Variants in TNIK observed in about 807,000 individuals in gnomAD.
TNIK encodes the protein TRAF2 and NCK interacting kinase.
TNIK carries 49 observed loss-of-function variants against 191.3 expected under a neutral mutation model. The ratio of observed to expected loss-of-function variants is 0.26; its 90% CI spans 0.20 to 0.32. TNIK has a LOEUF of 0.32. TNIK is among the 10% of genes least tolerant of loss of function. The probability of loss-of-function intolerance (pLI) is 1.00; values close to 1 mark genes in which losing one functional copy is unlikely to be tolerated. For missense variants in TNIK, 1,155 were observed against 1,702.3 expected (o/e 0.68, Z 5.66); for synonymous variants, 594 against 600.9 (o/e 0.99, Z 0.17).
At chr3:171,380,217 C>T (rs1357641236) in intron 1 of TNIK, among the ~76,000 whole-genome samples, 1 of 152,116 alleles carries the variant, frequency 6.6e-6, no homozygotes, top group Non-Finnish European at 1.5e-5. Flanking sequence ...ACATGGGATC[C>T]TTCCAGACCT....
chr3:171,156,328 G>A (rs1733170159), intron 12 of TNIK, among the ~76,000 whole-genome samples: 1 of 152,180 alleles, frequency 6.6e-6, no homozygotes, highest in African/African-American at 2.4e-5. Flanking sequence ...AAACCAGGGA[G>A]GCTGGACCTT....
intron 1 of TNIK, among the ~76,000 whole-genome samples, chr3:171,415,235 C>T (rs1362253640): frequency 6.6e-6 from 1 of 152,192 alleles, no homozygotes; most frequent in African/African-American, 2.4e-5. Flanking sequence ...TTAACAACCC[C>T]AGACGCACTC....
chr3:171,166,937 C>T (rs982387487), intron 10 of TNIK, among the ~76,000 whole-genome samples, 158 bp downstream of exon 10: 1 of 152,148 alleles, frequency 6.6e-6, no homozygotes, highest in South Asian at 2.1e-4. Flanking sequence ...AGTCTCACGC[C>T]ACTGATGCCC....
At chr3:171,180,829 T>C (rs568382641) in intron 7 of TNIK, among the ~76,000 whole-genome samples, 1 of 152,344 alleles carries the variant, frequency 6.6e-6, no homozygotes, top group South Asian at 2.1e-4. Flanking sequence ...ATTTTTGTTA[T>C]CAAAATGCAT....
chr3:171,175,339 G>A lies in TNIK; in HGVS notation c.695-9C>T. 6.2e-7 allele frequency: 1 copy of A among 1,604,668 alleles called. No individual in the cohort carries two copies. The highest frequency in any genetic ancestry group is 8.5e-7 in the Non-Finnish European group (1 of 1,176,170). On this transcript the variant is annotated splice_polypyrimidine_tract_variant and intron_variant, in intron 8 of 32. Transcript: ENST00000436636. The stretch of plus-strand genomic sequence containing the variant: ...GTGCATGTCACAGAGAGCTGCAAGA[G>A]ACCAAAACAAGGGCCAGCTACAGTT...
chr3:171,197,343 C>CAAT (rs1277969800), intron 4 of TNIK, among the ~76,000 whole-genome samples: 1 of 151,616 alleles, frequency 6.6e-6, no homozygotes, highest in African/African-American at 2.4e-5. Flanking sequence ...TTAGATTTAG[C>CAAT]AATGGCTTCT....
chr3:171,278,489 A>T (rs868583033), intron 2 of TNIK, among the ~76,000 whole-genome samples: 107 of 151,860 alleles, frequency 7.0e-4, no homozygotes, highest in African/African-American at 1.8e-3. Context: ...TAAAAAAGAT[A>T]AAAAAAATTT....
intron 2 of TNIK, among the ~76,000 whole-genome samples, chr3:171,358,607 C>A (rs917562351): frequency 6.6e-6 from 1 of 152,266 alleles, no homozygotes; most frequent in Non-Finnish European, 1.5e-5. Flanking sequence ...AGGATTCATA[C>A]AAAATGCTTG....
intron 3 of TNIK, among the ~76,000 whole-genome samples, chr3:171,216,949 C>T (rs1741525893): frequency 6.6e-6 from 1 of 152,078 alleles, no homozygotes; most frequent in Admixed American, 6.6e-5. Flanking sequence ...TTTGCCAGGA[C>T]ATTCTGCAGG....
intron 2 of TNIK, among the ~76,000 whole-genome samples, chr3:171,254,465 A>G (rs188368033): frequency 1.5e-3 from 232 of 152,378 alleles, no homozygotes; most frequent in African/African-American, 5.3e-3. Flanking sequence ...AGTCTCAAAT[A>G]TAAACCCAGA....
intron 2 of TNIK, among the ~76,000 whole-genome samples, chr3:171,358,284 G>T (rs868500405): frequency 6.6e-6 from 1 of 152,156 alleles, no homozygotes; most frequent in Admixed American, 6.5e-5. Context: ...ATTTATAAAG[G>T]AAAGAGGTTT....
intron 2 of TNIK, among the ~76,000 whole-genome samples, chr3:171,304,533 T>C (rs973647490): frequency 2.0e-5 from 3 of 152,146 alleles, no homozygotes; most frequent in Non-Finnish European, 4.4e-5. Flanking sequence ...GGATTATAAA[T>C]CATGCTGCTT....
At chr3:171,455,106 C>T (rs1728641954) in intron 1 of TNIK, among the ~76,000 whole-genome samples, 1 of 152,068 alleles carries the variant, frequency 6.6e-6, no homozygotes, top group African/African-American at 2.4e-5. Context: ...ACTGGGGGCG[C>T]AAAGCTCAAT....
At chr3:171,300,145 G>A (rs1752724749) in intron 2 of TNIK, among the ~76,000 whole-genome samples, 1 of 152,198 alleles carries the variant, frequency 6.6e-6, no homozygotes, top group Admixed American at 6.5e-5. Context: ...TAATGTTTCT[G>A]ACTTGGGAGT....
intron 1 of TNIK, among the ~76,000 whole-genome samples, chr3:171,400,334 G>A (rs1720764377): frequency 6.6e-6 from 1 of 152,064 alleles, no homozygotes; most frequent in Non-Finnish European, 1.5e-5. Context: ...GGAGGCCAAG[G>A]CGAGAGGATT....
intron 12 of TNIK, among the ~76,000 whole-genome samples, chr3:171,156,163 A>C (rs573028705): frequency 3.8e-4 from 58 of 152,350 alleles, no homozygotes; most frequent in South Asian, 1.4e-3. Flanking sequence ...TAGTGGCTAT[A>C]AGCAAAGCAT....
intron 21 of TNIK, 79 bp downstream of exon 21, chr3:171,107,104 C>T (rs1210398456): frequency 1.4e-6 from 2 of 1,480,396 alleles, no homozygotes; most frequent in South Asian, 2.5e-5. Context: ...CATTGGCCAC[C>T]TTTCTGAATG....
intron 1 of TNIK, among the ~76,000 whole-genome samples, chr3:171,415,973 C>CAAAAAAAAAAAAAAA (rs769531813): frequency 2.4e-4 from 3 of 12,576 alleles, no homozygotes; most frequent in African/African-American, 4.1e-4. Flanking sequence ...GAGACTGTCT[C>CAAAAAAAAAAAAAAA]AAAAAAAAAA....
chr3:171,222,157 G>A (rs1343475480), intron 3 of TNIK, among the ~76,000 whole-genome samples: 1 of 152,098 alleles, frequency 6.6e-6, no homozygotes, highest in East Asian at 1.9e-4. Flanking sequence ...TATAAGCCCA[G>A]CTCTCTCTGA....
Sources: gnomAD v4.1 joint callset for allele counts (sites outside exome capture counted in the v4.1 genomes callset) on GRCh38, gnomAD v4.1.1 for gene constraint, MANE v1.5 for transcripts, NCBI Gene and HGNC (gene_info 2026-07-23, HGNC 2026-07-21) for gene names.